ZNF235: variants seen among roughly 807,000 people sequenced by gnomAD.
ZNF235 encodes zfp-93.
ZNF235 carries 25 observed loss-of-function variants against 29.4 expected under a neutral mutation model. The observed-to-expected ratio is 0.85, with a 90% confidence interval of 0.62 to 1.19. The LOEUF (loss-of-function observed/expected upper bound fraction) is 1.19. Among genes scored for constraint, ZNF235 ranks in the 50% most tolerant of loss-of-function variants. The pLI is 0.00. For missense variants in ZNF235, 788 were observed against 885.0 expected, an observed-to-expected ratio of 0.89 and a Z score of 1.39; for synonymous variants, 300 against 295.3, an observed-to-expected ratio of 1.02 and a Z score of -0.16.
Position 44,287,568 on chromosome 19 carries a change from C to A in ZNF235, c.1867G>T (p.Gly623Ter). 6.2e-7 allele frequency: 1 copy of A among 1,614,156 alleles called. No homozygotes were observed. The highest frequency in any genetic ancestry group is 8.5e-7 in the Non-Finnish European group (1 of 1,180,020). ...GTGTCACATTTATATGGTTTCTCTCCGGTGTGGACTCTCTGATGGGCTTGA... is the reference window on the plus strand; with the variant it reads ...GTGTCACATTTATATGGTTTCTCTCAGGTGTGGACTCTCTGATGGGCTTGA... The part of the protein sequence containing the change: ...HLQAHQRVHT[G>*]EKPYKCDTCG... Residue 623 changes from glycine (G) to a stop codon, truncating the protein, a stop_gained, in exon 5 of 5, where the codon GGA (glycine) becomes TGA (stop). Coordinates refer to ENST00000291182, the MANE Select transcript of ZNF235 (RefSeq NM_004234.4). LOFTEE classifies it high-confidence loss of function.
Position 44,287,743 on chromosome 19 carries a change from G to T in ZNF235, c.1692C>A (p.Val564=), listed in dbSNP as rs549821041. ...ATTTGTAGGGTTTCTCTCCGGTGTG[G>T]ACTCTCTGATGATTGTGAAGATTCA... is the stretch of plus-strand genomic sequence containing the variant. ...WSLNLHNHQR[V]HTGEKPYKCE... The change falls in exon 5 of 5, where the codon GTC becomes GTA. Residue 564 remains valine, a synonymous_variant. Transcript: ENST00000291182. The T allele has an allele frequency of 1.2e-6, 2 of 1,613,894 alleles. No homozygotes were observed. The highest frequency in any genetic ancestry group is 1.1e-5 in the South Asian group (1 of 91,068).
At position 44,303,064 on chromosome 19, in the gene ZNF235, T is replaced by C. The variant is rs2123109580; in HGVS notation, c.15+326A>G. On this transcript the variant is annotated intron_variant, in intron 2 of 4. Coordinates refer to ENST00000291182, the MANE Select transcript of ZNF235 (RefSeq NM_004234.4). ...TGTATACATTTATATAAAATATACG[T>C]ATATATTTGTATATATAATACATAT... is the stretch of plus-strand genomic sequence containing the variant. Among the ~76,000 whole-genome samples, 2 of 135,982 alleles carry C rather than the reference T, an allele frequency of 1.5e-5. 1 individual carries two copies. Among genetic ancestry groups the C allele is most frequent in the Admixed American group, 1.6e-4 (2 of 12,322 alleles). 89.2% of individuals were successfully genotyped at this position (135,982 alleles called of 152,430 possible). A position where few individuals can be genotyped will look rare whatever the true frequency, so the allele number is the denominator to read the frequency against.
chr19:44,303,083 T>C (rs1223725337), intron 2 of ZNF235, among the ~76,000 whole-genome samples: 3 of 114,758 alleles, frequency 2.6e-5, no homozygotes, highest in African/African-American at 1.0e-4. Flanking sequence ...GTATATATAA[T>C]ACATATATAC....
intron 4 of ZNF235, 69 bp downstream of exon 4, chr19:44,298,739 A>T: frequency 8.4e-7 from 1 of 1,189,328 alleles, no homozygotes; most frequent in Non-Finnish European, 1.2e-6. Context: ...AGCTGAGTGG[A>T]GAAGAAATTA....
At chr19:44,303,577 G>A in intron 1 of ZNF235, 125 bp from the exon 2 acceptor site, 1 of 745,198 alleles carries the variant, frequency 1.3e-6, no homozygotes, top group Non-Finnish European at 2.1e-6. Context: ...ACGGCTTAGT[G>A]AGGAGAACGG....
chr19:44,299,698 A>C lies in ZNF235; in HGVS notation c.50T>G (p.Phe17Cys). 1 of 1,614,118 alleles carries C rather than the reference A, an allele frequency of 6.2e-7. No homozygotes were observed. Among genetic ancestry groups the C allele is most frequent in the Non-Finnish European group, 8.5e-7 (1 of 1,179,988 alleles). ...CAGCAGCCCCAGCTCCTCCTCAGTG[A>C]AGGCCACAGCCACATCCTTGAATGT... The part of the protein sequence containing the change: ...AVTFKDVAVA[F>C]TEEELGLLDS... The change falls in exon 3 of 5, where the codon TTC (phenylalanine) becomes TGC (cysteine). Residue 17 changes from phenylalanine to cysteine, a missense_variant. Phe to Cys is a radical substitution (Grantham distance 205). Coordinates refer to ENST00000291182, the MANE Select transcript of ZNF235 (RefSeq NM_004234.4).
chr19:44,287,208 C>A lies in ZNF235; in HGVS notation c.*10G>T. On this transcript the variant is annotated 3_prime_UTR_variant, in exon 5 of 5. Transcript: ENST00000291182. ...AGCTCTAACTGAAGGCTGAACCACA[C>A]CTCTCATTTCTACAGATTCCCTCCA... 1 of 1,572,758 alleles carries A rather than the reference C, an allele frequency of 6.4e-7. No homozygotes were observed.
At chr19:44,299,859 G>A (rs2123104898) in intron 2 of ZNF235, 127 bp from the exon 3 acceptor site, 2 of 1,432,186 alleles carry the variant, frequency 1.4e-6, no homozygotes, top group South Asian at 2.4e-5. Flanking sequence ...GGGGAAGAAG[G>A]AAAACACCTT....
In ZNF235 at chr19:44,288,190, T is replaced by C. The variant is rs373367325; in HGVS notation, c.1245A>G (p.Arg415=). 1 of 1,613,488 alleles carries C rather than the reference T, an allele frequency of 6.2e-7. No homozygotes were observed. Among genetic ancestry groups the C allele is most frequent in the African/African-American group, 1.3e-5 (1 of 74,842 alleles). ...CEVCGKGFTQ[R]SHLQAHERIH... ...TTCTTTCATGGGCCTGAAGATGTGA[T>C]CTCTGAGTGAAGCCCTTCCCACACA... Residue 415 remains arginine (R), a synonymous_variant, in exon 5 of 5, where the codon AGA becomes AGG. Transcript: ENST00000291182.
rs1369567957 is a variant in ZNF235 at position 44,288,852 on chromosome 19, G to A, written c.583C>T (p.Gln195Ter). 1 of 1,613,394 alleles carries A rather than the reference G, an allele frequency of 6.2e-7. No individual in the cohort carries two copies. Among genetic ancestry groups the A allele is most frequent in the African/African-American group, 1.3e-5 (1 of 74,894 alleles). Residue 195 changes from glutamine (Q) to a stop codon, truncating the protein, a stop_gained, in exon 5 of 5, where the codon CAG becomes TAG. Transcript: ENST00000291182. LOFTEE classifies it low-confidence loss of function (END_TRUNC). Reference protein sequence around the residue: ...KIYLNETQNYQRSCKQTQMKN... With the variant: ...KIYLNETQNY ...ATCTGAGTCTGCTTACAACTTCTCTGATAATTCTGTGTCTCATTCAGATAT... is the reference window on the plus strand; with the variant it reads ...ATCTGAGTCTGCTTACAACTTCTCTAATAATTCTGTGTCTCATTCAGATAT...
intron 4 of ZNF235, among the ~76,000 whole-genome samples, chr19:44,291,178 C>CA (rs1303368446): frequency 6.6e-6 from 1 of 152,098 alleles, no homozygotes; most frequent in African/African-American, 2.4e-5. Context: ...CTAACAGATG[C>CA]AAAAGGAGTC....
chr19:44,295,344 T>C (rs1429147836), intron 4 of ZNF235, among the ~76,000 whole-genome samples: 1 of 151,738 alleles, frequency 6.6e-6, no homozygotes, highest in South Asian at 2.1e-4. Context: ...ATTTATAGTA[T>C]CTACAAAAAA....
chr19:44,296,082 T>C (rs1005845219), intron 4 of ZNF235, among the ~76,000 whole-genome samples: 6 of 152,184 alleles, frequency 3.9e-5, no homozygotes, highest in African/African-American at 1.4e-4. Context: ...AATGCAATAC[T>C]GGATTATAAC....
chr19:44,300,953 G>A (rs757089466), intron 2 of ZNF235, among the ~76,000 whole-genome samples: 1 of 150,844 alleles, frequency 6.6e-6, no homozygotes, highest in Admixed American at 6.6e-5. Flanking sequence ...AACTCTTCCC[G>A]TAAGAGATTA....
chr19:44,287,689 C>T lies in ZNF235; in HGVS notation c.1746G>A (p.Gln582=). The part of the protein sequence containing the change: ...KCEECGKGFS[Q]ASNLQAHQSV... ...TCTGATGGGCTTGAAGATTTGAAGC[C>T]TGACTGAAACCCTTACCACACTCTT... The change falls in exon 5 of 5, where the codon CAG becomes CAA. Residue 582 remains glutamine, a synonymous_variant. Coordinates refer to ENST00000291182, the MANE Select transcript of ZNF235 (RefSeq NM_004234.4). The T allele has an allele frequency of 1.2e-6, 2 of 1,613,884 alleles. No homozygotes were observed. Among genetic ancestry groups the T allele is most frequent in the Admixed American group, 1.7e-5 (1 of 60,004 alleles).
In ZNF235 at chr19:44,287,557, T is replaced by G; in HGVS notation, c.1878A>C (p.Pro626=). Residue 626 remains proline, a synonymous_variant, in exon 5 of 5, where the codon CCA becomes CCC. Transcript: ENST00000291182. ...CCTTACCACAAGTGTCACATTTATA[T>G]GGTTTCTCTCCGGTGTGGACTCTCT... ...AHQRVHTGEK[P]YKCDTCGKAF... is the part of the protein sequence containing the mutation. 1 of 1,613,818 alleles carries G rather than the reference T, an allele frequency of 6.2e-7. No individual in the cohort carries two copies.
In ZNF235 at chr19:44,288,636, C is replaced by G. The variant is rs768594165; in HGVS notation, c.799G>C (p.Glu267Gln). 3.1e-6 allele frequency: 5 copies of G among 1,614,028 alleles called. No homozygotes were observed. Among genetic ancestry groups the G allele is most frequent in the Non-Finnish European group, 4.2e-6 (5 of 1,179,958 alleles). Reference sequence around the variant, plus strand: ...CTATCATTGAAGGCTTCTTCACATTCATTACCCTGGTAGGTTTTCTGTCCT... The same window carrying G: ...CTATCATTGAAGGCTTCTTCACATTGATTACCCTGGTAGGTTTTCTGTCCT... Reference protein sequence around the residue: ...HTGQKTYQGNECEEAFNDSSS... With the variant: ...HTGQKTYQGNQCEEAFNDSSS... Residue 267 changes from glutamate (E) to glutamine (Q), a missense_variant, in exon 5 of 5, where the codon GAA (glutamate) becomes CAA (glutamine). Physicochemically the swap from Glu to Gln is conservative, Grantham distance 29 (BLOSUM62 2). Coordinates refer to ENST00000291182, the MANE Select transcript of ZNF235 (RefSeq NM_004234.4).
chr19:44,298,153 G>GA (rs1032893851), intron 4 of ZNF235, among the ~76,000 whole-genome samples: 1 of 151,914 alleles, frequency 6.6e-6, no homozygotes, highest in Non-Finnish European at 1.5e-5. Context: ...AAAGGTTTAA[G>GA]AAAAAACAGC....
intron 2 of ZNF235, 93 bp downstream of exon 2, chr19:44,303,297 G>T (rs1327881882): frequency 5.9e-6 from 8 of 1,353,580 alleles, no homozygotes; most frequent in East Asian, 4.8e-5. Context: ...AGTGCCTTTC[G>T]TTCCCTTTTA....
Sources: allele counts gnomAD v4.1 joint callset (sites outside exome capture counted in the v4.1 genomes callset), GRCh38; gene constraint gnomAD v4.1.1; transcripts MANE v1.5; gene names NCBI Gene and HGNC (gene_info 2026-07-23, HGNC 2026-07-21).